Variants in ATP6V1C2 observed in about 807,000 individuals in gnomAD.
The protein encoded by ATP6V1C2 is ATPase H+ transporting V1 subunit C2.
In ATP6V1C2, 45 loss-of-function variants were observed where a neutral mutation model predicts 56.8. The ratio of observed to expected loss-of-function variants is 0.79; its 90% CI spans 0.62 to 1.02. ATP6V1C2 has a LOEUF of 1.02. ATP6V1C2 is among the 50% of genes least tolerant of loss of function. The pLI, the probability that ATP6V1C2 is intolerant of heterozygous loss-of-function variation, is 0.00. For synonymous variants in ATP6V1C2, 220 were observed against 201.3 expected (o/e 1.09, Z -0.79); for missense variants, 463 against 519.7 (o/e 0.89, Z 1.06).
intron 6 of ATP6V1C2, among the ~76,000 whole-genome samples, chr2:10,769,838 G>A (rs1664474496): frequency 6.6e-6 from 1 of 152,200 alleles, no homozygotes; most frequent in Admixed American, 6.5e-5. Context: ...TGGATCTGAT[G>A]CTGTTGGCGG....
At chr2:10,728,186 A>T (rs1436662504) in intron 3 of ATP6V1C2, among the ~76,000 whole-genome samples, 3 of 152,092 alleles carry the variant, frequency 2.0e-5, no homozygotes, top group Non-Finnish European at 4.4e-5. Context: ...GGCTCAAGCG[A>T]TCCTCCTACC....
chr2:10,734,348 C>G (rs1265641384), intron 3 of ATP6V1C2, among the ~76,000 whole-genome samples: 2 of 152,212 alleles, frequency 1.3e-5, no homozygotes, highest in Non-Finnish European at 2.9e-5. Flanking sequence ...CTCTCTAACA[C>G]ACCCGGTGCT....
intron 3 of ATP6V1C2, among the ~76,000 whole-genome samples, chr2:10,730,183 T>A (rs1267052260): frequency 6.6e-6 from 1 of 152,220 alleles, no homozygotes. Context: ...TGGCACAATC[T>A]TAGCTCACTG....
rs1381325517 is a variant in ATP6V1C2 at position 10,770,654 on chromosome 2, C to T, written c.471-1185C>T. Among the ~76,000 whole-genome samples the T allele has an allele frequency of 4.6e-5, 7 of 152,360 alleles. No homozygotes were observed. The East Asian group carries it at 7.7e-4, about 17-fold the overall frequency. Reference sequence around the variant, plus strand: ...GTGCAAACATCTGGTCTAGCCTCTTCGCTCAACTGGTGAGGTTCATTCATC... The same window carrying T: ...GTGCAAACATCTGGTCTAGCCTCTTTGCTCAACTGGTGAGGTTCATTCATC... On this transcript the variant is annotated intron_variant, in intron 6 of 13. Transcript: ENST00000272238.
chr2:10,768,822 C>T lies in ATP6V1C2; in HGVS notation c.470+12C>T, dbSNP rs1364578265. On this transcript the variant is annotated intron_variant, in intron 6 of 13. Coordinates refer to ENST00000272238, the MANE Select transcript of ATP6V1C2 (RefSeq NM_001039362.2). ...GAAAAGAAATCCATGTGTGTATTTGCCAGCCTCCACATCTGGCGGGGGCAG... is the reference window on the plus strand; with the variant it reads ...GAAAAGAAATCCATGTGTGTATTTGTCAGCCTCCACATCTGGCGGGGGCAG... 1 of 1,611,086 alleles carries T rather than the reference C, an allele frequency of 6.2e-7. No homozygotes were observed. The highest frequency in any genetic ancestry group is 8.5e-7 in the Non-Finnish European group (1 of 1,177,778).
At chr2:10,750,078 C>T (rs923846537) in intron 3 of ATP6V1C2, among the ~76,000 whole-genome samples, 2 of 152,194 alleles carry the variant, frequency 1.3e-5, no homozygotes, top group African/African-American at 4.8e-5. Context: ...TGATGACCAT[C>T]GTTAATGATC....
intron 6 of ATP6V1C2, among the ~76,000 whole-genome samples, chr2:10,770,551 T>C (rs1197991803): frequency 6.6e-6 from 1 of 152,232 alleles, no homozygotes; most frequent in Non-Finnish European, 1.5e-5. Context: ...CGTCCTGGCT[T>C]AGAGCCCACA....
At chr2:10,772,413 G>A (rs973917182) in intron 7 of ATP6V1C2, 129 bp from the exon 8 acceptor site, 2 of 794,464 alleles carry the variant, frequency 2.5e-6, no homozygotes, top group South Asian at 2.9e-5. Context: ...GGGAGGTGAG[G>A]GCTCCCTCTG....
Position 10,762,688 on chromosome 2 carries a change from C to T in ATP6V1C2, c.284-1643C>T, listed in dbSNP as rs1663984180. Among the ~76,000 whole-genome samples the T allele has an allele frequency of 1.3e-5, 2 of 152,060 alleles. 1 individual carries two copies. Among genetic ancestry groups the T allele is most frequent in the South Asian group, 4.1e-4 (2 of 4,824 alleles). On this transcript the variant is annotated intron_variant, in intron 4 of 13. Coordinates refer to ENST00000272238, the MANE Select transcript of ATP6V1C2 (RefSeq NM_001039362.2). The stretch of plus-strand genomic sequence containing the variant: ...TCAAGCTTGTCCCAGGCAGAACTTG[C>T]CTCCTCTCCTCCATCCCCATCCCTC...
intron 11 of ATP6V1C2, 115 bp from the exon 12 acceptor site, chr2:10,778,457 C>T (rs932682074): frequency 2.2e-6 from 2 of 913,606 alleles, no homozygotes; most frequent in Non-Finnish European, 3.4e-6. Flanking sequence ...CTGCTTCTGG[C>T]TCCTGGGCAC....
chr2:10,755,131 C>T (rs755078915), intron 4 of ATP6V1C2, among the ~76,000 whole-genome samples: 9 of 152,156 alleles, frequency 5.9e-5, no homozygotes, highest in Non-Finnish European at 1.2e-4. Context: ...GATTCTCCCG[C>T]GCTTAAGTGA....
At chr2:10,746,377 A>G (rs960951496) in intron 3 of ATP6V1C2, among the ~76,000 whole-genome samples, 1 of 147,896 alleles carries the variant, frequency 6.8e-6, no homozygotes, top group African/African-American at 2.5e-5. Flanking sequence ...TTACTATTTT[A>G]TTTTCAGTTT....
chr2:10,783,311 AC>A lies in ATP6V1C2; in HGVS notation c.*49del. 1 of 1,273,054 alleles carries A rather than the reference AC, an allele frequency of 7.9e-7. No individual in the cohort carries two copies. The highest frequency in any genetic ancestry group is 1.1e-6 in the Non-Finnish European group (1 of 872,542). 78.9% of individuals were successfully genotyped at this position (1,273,054 alleles called of 1,614,324 possible). ...CTCATGTTCGTGCAGATTATTACAGACACCTCTTTCCTTTAGCCAGAGAATG... is the reference window on the plus strand; with the variant it reads ...CTCATGTTCGTGCAGATTATTACAGAACCTCTTTCCTTTAGCCAGAGAATG... On this transcript the variant is annotated 3_prime_UTR_variant, in exon 14 of 14. Coordinates refer to ENST00000272238, the MANE Select transcript of ATP6V1C2 (RefSeq NM_001039362.2).
At chr2:10,767,135 AT>A (rs1345487796) in intron 5 of ATP6V1C2, among the ~76,000 whole-genome samples, 6 of 145,368 alleles carry the variant, frequency 4.1e-5, no homozygotes, top group Non-Finnish European at 9.0e-5. Context: ...ATCTTTAAAT[AT>A]TTTTTTAATT....
Position 10,784,129 on chromosome 2 carries a change from A to G in ATP6V1C2, c.*866A>G, listed in dbSNP as rs929035806. 5 of 561,006 alleles carry G rather than the reference A, an allele frequency of 8.9e-6. No individual in the cohort carries two copies. The highest frequency in any genetic ancestry group is 3.0e-5 in the South Asian group (1 of 33,580). The allele number at this position is 561,006 out of a possible 1,614,324, so 34.8% of individuals were successfully genotyped here. A position where few individuals can be genotyped will look rare whatever the true frequency, so the allele number is the denominator to read the frequency against. Reference sequence around the variant, plus strand: ...CTGTTGCAGTGTTTTCAAATGACCAATCAAGTACTACTTCTTGGTTAAAAG... The same window carrying G: ...CTGTTGCAGTGTTTTCAAATGACCAGTCAAGTACTACTTCTTGGTTAAAAG... On this transcript the variant is annotated 3_prime_UTR_variant, in exon 14 of 14. Transcript: ENST00000272238.
At chr2:10,756,893 T>C (rs1223565416) in intron 4 of ATP6V1C2, among the ~76,000 whole-genome samples, 1 of 151,904 alleles carries the variant, frequency 6.6e-6, no homozygotes, top group Non-Finnish European at 1.5e-5. Context: ...TGTATCCCTG[T>C]CATGAAGCAA....
chr2:10,751,713 A>C (rs1228628357), intron 3 of ATP6V1C2, among the ~76,000 whole-genome samples: 1 of 152,144 alleles, frequency 6.6e-6, no homozygotes, highest in Non-Finnish European at 1.5e-5. Context: ...GATGATACCC[A>C]ACTTTTGGGA....
At chr2:10,744,501 AG>A (rs1294733687) in intron 3 of ATP6V1C2, among the ~76,000 whole-genome samples, 1 of 152,178 alleles carries the variant, frequency 6.6e-6, no homozygotes, top group African/African-American at 2.4e-5. Context: ...GCATTTGACC[AG>A]GCCTCCTCAC....
intron 2 of ATP6V1C2, among the ~76,000 whole-genome samples, chr2:10,724,080 A>G (rs1220634328): frequency 6.6e-6 from 1 of 152,004 alleles, no homozygotes; most frequent in African/African-American, 2.4e-5. Flanking sequence ...ATTTTACTTC[A>G]AAAAGAGTGG....
Sources: allele counts gnomAD v4.1 joint callset (sites outside exome capture counted in the v4.1 genomes callset), GRCh38; gene constraint gnomAD v4.1.1; transcripts MANE v1.5; gene names NCBI Gene and HGNC (gene_info 2026-07-23, HGNC 2026-07-21).